The following GLG1 variants were observed in gnomAD, a reference collection of about 807,000 sequenced individuals.
GLG1 encodes the protein Golgi apparatus protein 1.
In GLG1, 38 loss-of-function variants were observed where a neutral mutation model predicts 160.5. That is an observed-to-expected ratio of 0.24 (90% CI 0.18 to 0.31). GLG1 has a LOEUF of 0.31. Ranked by LOEUF, GLG1 falls within the 10% of genes least tolerant of loss-of-function variation. GLG1 has a pLI of 1.00. For synonymous variants in GLG1, 644 were observed against 543.4 expected (o/e 1.19, Z -2.57); for missense variants, 1,373 against 1,505.2 (o/e 0.91, Z 1.45).
chr16:74,462,009 A>C, intron 22 of GLG1, 85 bp downstream of exon 22: 1 of 721,460 alleles, frequency 1.4e-6, no homozygotes. Flanking sequence ...TTCACGGCTG[A>C]AGGGAGAGAA....
intron 9 of GLG1, among the ~76,000 whole-genome samples, chr16:74,484,862 C>T (rs1314919259): frequency 6.6e-6 from 1 of 152,260 alleles, no homozygotes; most frequent in East Asian, 1.9e-4. Context: ...ACGTGATCCG[C>T]CAGCCTCAGC....
intron 1 of GLG1, among the ~76,000 whole-genome samples, chr16:74,602,453 T>G (rs1335852623): frequency 6.6e-6 from 1 of 152,204 alleles, no homozygotes; most frequent in Non-Finnish European, 1.5e-5. Context: ...GGGATTTGCT[T>G]TTAAATATGC....
At chr16:74,598,494 T>C (rs988287914) in intron 1 of GLG1, among the ~76,000 whole-genome samples, 10 of 145,224 alleles carry the variant, frequency 6.9e-5, no homozygotes, top group African/African-American at 2.6e-4. Context: ...GCACTCTAGC[T>C]TGGTGACAGA....
At chr16:74,602,355 T>G (rs1176871551) in intron 1 of GLG1, among the ~76,000 whole-genome samples, 1 of 152,186 alleles carries the variant, frequency 6.6e-6, no homozygotes, top group African/African-American at 2.4e-5. Flanking sequence ...ATTATACATT[T>G]AAATACAAAA....
intron 1 of GLG1, among the ~76,000 whole-genome samples, chr16:74,562,726 C>T (rs530831002): frequency 7.2e-5 from 11 of 152,296 alleles, no homozygotes; most frequent in Non-Finnish European, 1.6e-4. Context: ...TCGCCCACCT[C>T]GGCCTCCCAA....
intron 18 of GLG1, 86 bp from the exon 19 acceptor site, chr16:74,465,899 G>A: frequency 1.8e-6 from 2 of 1,111,544 alleles, no homozygotes; most frequent in Non-Finnish European, 2.7e-6. Flanking sequence ...GCTCCACTGT[G>A]CCTCCCATTT....
chr16:74,524,870 C>T (rs375913080), intron 2 of GLG1, among the ~76,000 whole-genome samples: 1 of 152,136 alleles, frequency 6.6e-6, no homozygotes, highest in Non-Finnish European at 1.5e-5. Context: ...CCTACCATTC[C>T]CCACTTCTCT....
At chr16:74,455,230 G>C (rs1331311576) in intron 25 of GLG1, among the ~76,000 whole-genome samples, 3 of 152,142 alleles carry the variant, frequency 2.0e-5, no homozygotes, top group African/African-American at 7.2e-5. Flanking sequence ...AGGTGCACAT[G>C]TCCCCATTCT....
intron 22 of GLG1, among the ~76,000 whole-genome samples, chr16:74,460,651 A>G (rs900317304): frequency 6.6e-6 from 1 of 152,158 alleles, no homozygotes; most frequent in Non-Finnish European, 1.5e-5. Flanking sequence ...GGCTCATCAC[A>G]AACAGTTTCC....
At chr16:74,577,370 T>C (rs1483362479) in intron 1 of GLG1, among the ~76,000 whole-genome samples, 1 of 151,474 alleles carries the variant, frequency 6.6e-6, no homozygotes, top group East Asian at 1.9e-4. Flanking sequence ...AAAAATACAA[T>C]AATAAGCCAG....
At chr16:74,581,723 CAACA>C in intron 1 of GLG1, among the ~76,000 whole-genome samples, 1 of 151,880 alleles carries the variant, frequency 6.6e-6, no homozygotes, top group Non-Finnish European at 1.5e-5. Flanking sequence ...CCAGCCTGGC[CAACA>C]TGGTGAAACC....
intron 2 of GLG1, among the ~76,000 whole-genome samples, chr16:74,518,877 A>C (rs544470699): frequency 6.6e-6 from 1 of 152,304 alleles, no homozygotes; most frequent in Admixed American, 6.5e-5. Context: ...ATGCTTTTAC[A>C]CTGTTGGTGG....
chr16:74,501,055 G>A (rs1347550572), intron 4 of GLG1, among the ~76,000 whole-genome samples: 2 of 152,196 alleles, frequency 1.3e-5, no homozygotes, highest in East Asian at 3.8e-4. Flanking sequence ...AAGCTTCAGT[G>A]GCAGCAAATT....
At chr16:74,474,760 A>T (rs539733874) in intron 12 of GLG1, 128 bp from the exon 13 acceptor site, 9 of 682,986 alleles carry the variant, frequency 1.3e-5, no homozygotes, top group Admixed American at 6.8e-5. Flanking sequence ...AAATTACCTC[A>T]CTGAACAGGA....
chr16:74,463,544 CTT>C, intron 19 of GLG1, 65 bp from the exon 20 acceptor site: 8 of 1,355,604 alleles, frequency 5.9e-6, no homozygotes, highest in South Asian at 1.4e-5. Context: ...TCTGCGACCA[CTT>C]TTTTTTTTCT....
rs141631568 is a variant in GLG1, at chr16:74,544,790, G to A, written c.439-12637C>T. On this transcript the variant is annotated intron_variant, in intron 1 of 25. Transcript: ENST00000422840. ...GCAGGGATTACAGGTGTGAGCCACC[G>A]CGCCCGGCCATTATTTAACATCTGT... Among the ~76,000 whole-genome samples, 182 of 152,088 alleles carry A rather than the reference G, an allele frequency of 1.2e-3. 1 individual carries two copies. In the East Asian group the frequency reaches 0.025, roughly 21 times the overall value.
chr16:74,475,183 A>T (rs2015354582), intron 12 of GLG1, among the ~76,000 whole-genome samples: 1 of 127,794 alleles, frequency 7.8e-6, no homozygotes, highest in South Asian at 2.5e-4. Flanking sequence ...AAAAAAAAAG[A>T]GCTGTGCAAA....
At position 74,452,338 on chromosome 16, in the gene GLG1, G is replaced by C. The variant is rs554584629; in HGVS notation, c.*829C>G. 13 of 1,383,332 alleles carry C rather than the reference G, an allele frequency of 9.4e-6. No individual in the cohort carries two copies. The African/African-American group carries it at 1.7e-4, about 19-fold the overall frequency. 85.7% of individuals were successfully genotyped at this position (1,383,332 alleles called of 1,614,324 possible). On this transcript the variant is annotated 3_prime_UTR_variant, in exon 26 of 26. Coordinates refer to ENST00000422840, the MANE Select transcript of GLG1 (RefSeq NM_001145667.2). ...GGAGGAGGAAGGTTCCTGGGATCCT[G>C]CTGCCCCGGGACTCAGGATCCAGCC...
At chr16:74,532,268 A>G (rs1478292623) in intron 1 of GLG1, 115 bp from the exon 2 acceptor site, 1 of 368,502 alleles carries the variant, frequency 2.7e-6, no homozygotes, top group Non-Finnish European at 4.9e-6. Flanking sequence ...AAGAAATCTG[A>G]ATATTCAACC....
Sources: gnomAD v4.1 joint callset for allele counts (sites outside exome capture counted in the v4.1 genomes callset) on GRCh38, gnomAD v4.1.1 for gene constraint, MANE v1.5 for transcripts, NCBI Gene and HGNC (gene_info 2026-07-23, HGNC 2026-07-21) for gene names.